The following RBFOX3 variants were observed in gnomAD, a reference collection of about 807,000 sequenced individuals.
The protein encoded by RBFOX3 is RNA binding protein fox-1 homolog 3.
Under a neutral mutation model 48.7 loss-of-function variants are expected in RBFOX3, and 17 were observed. The observed-to-expected ratio is 0.35, with a 90% CI of 0.24 to 0.52. RBFOX3 has a LOEUF of 0.52. Ranked by LOEUF, RBFOX3 falls within the 20% of genes least tolerant of loss-of-function variation. RBFOX3 has a pLI of 0.94. For missense variants in RBFOX3, 382 were observed against 497.5 expected, an observed-to-expected ratio of 0.77 and a Z score of 2.21; for synonymous variants, 212 against 209.5, an observed-to-expected ratio of 1.01 and a Z score of -0.10.
chr17:79,562,280 C>G (rs953342675), intron 1 of RBFOX3, among the ~76,000 whole-genome samples: 5 of 152,172 alleles, frequency 3.3e-5, no homozygotes, highest in African/African-American at 1.2e-4. Flanking sequence ...CTTCCCCATC[C>G]ACACACGGAG....
In RBFOX3 at chr17:79,419,788, G is replaced by C. The variant is rs145887005; in HGVS notation, c.-175+62666C>G. ...GCTTGTGTGAGTTCTGGGCGCCCTGGTGTCTTGGCATCCTCTCCAAGAGCA... is the reference window on the plus strand; with the variant it reads ...GCTTGTGTGAGTTCTGGGCGCCCTGCTGTCTTGGCATCCTCTCCAAGAGCA... On this transcript the variant is annotated intron_variant, in intron 2 of 14. Coordinates refer to ENST00000693108, the MANE Select transcript of RBFOX3 (RefSeq NM_001350451.2). Among the ~76,000 whole-genome samples, 106 of 152,320 alleles carry C rather than the reference G, an allele frequency of 7.0e-4. 1 individual carries two copies. The highest frequency in any genetic ancestry group is 2.3e-3 in the African/African-American group (96 of 41,582).
chr17:79,504,339 G>A (rs892036097), intron 1 of RBFOX3, among the ~76,000 whole-genome samples: 10 of 152,300 alleles, frequency 6.6e-5, no homozygotes, highest in South Asian at 2.1e-4. Context: ...AGAGTAGCTC[G>A]CTCACTAGCA....
At chr17:79,656,806 G>A in the RBFOX3 span, among the ~76,000 whole-genome samples, 1 of 97,998 alleles carries the variant, frequency 1.0e-5, no homozygotes, top group East Asian at 3.6e-4. Context: ...AAGAAAGAAA[G>A]AAAAGAAAGA....
At chr17:79,648,809 G>C in the RBFOX3 span, among the ~76,000 whole-genome samples, 1 of 152,072 alleles carries the variant, frequency 6.6e-6, no homozygotes, top group Non-Finnish European at 1.5e-5. Flanking sequence ...GTGGGTTGCG[G>C]GCAGAAATGA....
chr17:79,620,660 C>G, the RBFOX3 span, among the ~76,000 whole-genome samples: 5 of 106,460 alleles, frequency 4.7e-5, no homozygotes, highest in African/African-American at 1.4e-4. Flanking sequence ...GACATGCACA[C>G]ACGCACATGC....
the RBFOX3 span, among the ~76,000 whole-genome samples, chr17:79,662,522 G>A: frequency 9.9e-5 from 15 of 152,188 alleles, no homozygotes; most frequent in African/African-American, 3.1e-4. Context: ...TAACGGGACC[G>A]CCTTTGTCAT....
Position 79,471,892 on chromosome 17 carries a change from C to A in RBFOX3, c.-175+10562G>T, listed in dbSNP as rs1412462647. ...TCAAGAGAGGCGACTAAATCTCCAC[C>A]AAGCACATTATATCAAATACGCCTC... On this transcript the variant is annotated intron_variant, in intron 2 of 14. Coordinates refer to ENST00000693108, the MANE Select transcript of RBFOX3 (RefSeq NM_001350451.2). This position sits in a 1 kb window ranked among gnomAD's most constrained non-coding sequence, Gnocchi z 4.0. Among the ~76,000 whole-genome samples, 3 of 152,304 alleles carry A rather than the reference C, an allele frequency of 2.0e-5. No individual in the cohort carries two copies. In the East Asian group the frequency reaches 5.8e-4, roughly 29 times the overall value.
At chr17:79,118,928 ATCACACCACTGTGG>A (rs1267051399) in intron 4 of RBFOX3, among the ~76,000 whole-genome samples, 4 of 151,156 alleles carry the variant, frequency 2.6e-5, no homozygotes, top group African/African-American at 9.7e-5. Context: ...GTGAACCAAG[ATCACACCACTGTGG>A]TCCAGCCAGG....
chr17:79,501,506 G>A (rs1262111046), intron 1 of RBFOX3, among the ~76,000 whole-genome samples: 3 of 152,210 alleles, frequency 2.0e-5, no homozygotes, highest in Non-Finnish European at 4.4e-5. Context: ...CCCACCCTCT[G>A]CCTCCTCCTT....
chr17:79,657,296 C>T, the RBFOX3 span, among the ~76,000 whole-genome samples: 1 of 152,142 alleles, frequency 6.6e-6, no homozygotes, highest in African/African-American at 2.4e-5. Flanking sequence ...TCCAAGTCCC[C>T]CACCCCACCC....
At chr17:79,374,185 C>T (rs914259864) in intron 2 of RBFOX3, among the ~76,000 whole-genome samples, 1 of 152,178 alleles carries the variant, frequency 6.6e-6, no homozygotes, top group Non-Finnish European at 1.5e-5. Context: ...TTCTAAGCAC[C>T]TGGTGCAGCT....
intron 4 of RBFOX3, among the ~76,000 whole-genome samples, chr17:79,219,422 A>T (rs567538407): frequency 6.6e-6 from 1 of 152,278 alleles, no homozygotes; most frequent in Admixed American, 6.5e-5. Context: ...ACACAAAGAC[A>T]CACAGACACA....
chr17:79,112,915 T>TGGGGG (rs1189871020), intron 5 of RBFOX3, among the ~76,000 whole-genome samples: 3 of 60,176 alleles, frequency 5.0e-5, no homozygotes, highest in African/African-American at 7.9e-5. Context: ...GGGGGGGGGG[T>TGGGGG]GGGCTGGGTA....
At chr17:79,211,138 C>T (rs1432644819) in intron 4 of RBFOX3, among the ~76,000 whole-genome samples, 1 of 152,242 alleles carries the variant, frequency 6.6e-6, no homozygotes, top group African/African-American at 2.4e-5. Context: ...TCTCCAGCGT[C>T]CGGCGGTCTC....
At chr17:79,654,778 T>C in the RBFOX3 span, among the ~76,000 whole-genome samples, 2 of 152,160 alleles carry the variant, frequency 1.3e-5, no homozygotes, top group Admixed American at 1.3e-4. Context: ...AATTCCACTT[T>C]GAGAGGTGGC....
intron 3 of RBFOX3, among the ~76,000 whole-genome samples, chr17:79,253,075 G>A (rs748315687): frequency 3.3e-5 from 5 of 152,184 alleles, no homozygotes; most frequent in African/African-American, 4.8e-5. Flanking sequence ...AACAAGCAAC[G>A]CTTGACAAGG....
intron 3 of RBFOX3, among the ~76,000 whole-genome samples, chr17:79,301,060 T>C (rs2075236404): frequency 1.3e-5 from 2 of 152,180 alleles, no homozygotes; most frequent in Admixed American, 1.3e-4. Flanking sequence ...AGATCACCCC[T>C]TCCCAGTCAC....
chr17:79,113,808 T>C (rs1446374594), intron 5 of RBFOX3, among the ~76,000 whole-genome samples: 1 of 152,204 alleles, frequency 6.6e-6, no homozygotes, highest in East Asian at 1.9e-4. Context: ...TTCTTCTTTG[T>C]AGCCTCAGTG....
intron 4 of RBFOX3, among the ~76,000 whole-genome samples, chr17:79,139,605 G>A (rs1021323003): frequency 6.6e-6 from 1 of 152,236 alleles, no homozygotes; most frequent in African/African-American, 2.4e-5. Context: ...CAGGGAGGAG[G>A]ATGCACTGCC....
Sources: allele counts gnomAD v4.1 joint callset (sites outside exome capture counted in the v4.1 genomes callset), GRCh38; gene constraint gnomAD v4.1.1; non-coding constraint Gnocchi (gnomAD v3.1); transcripts MANE v1.5; gene names NCBI Gene and HGNC (gene_info 2026-07-23, HGNC 2026-07-21).